Variants in CLYBL observed in about 807,000 individuals in gnomAD.
CLYBL encodes the protein citramalyl-CoA lyase, mitochondrial.
CLYBL carries 31 observed loss-of-function variants against 38.9 expected under a neutral mutation model. The observed-to-expected ratio is 0.80, with a 90% CI of 0.60 to 1.08. CLYBL has a LOEUF of 1.08. CLYBL is among the 50% of genes least tolerant of loss of function. The pLI, the probability that CLYBL is intolerant of heterozygous loss-of-function variation, is 0.00. For missense variants in CLYBL, 434 were observed against 411.6 expected, an observed-to-expected ratio of 1.05 and a Z score of -0.47; for synonymous variants, 171 against 158.6, an observed-to-expected ratio of 1.08 and a Z score of -0.59.
intron 2 of CLYBL, among the ~76,000 whole-genome samples, chr13:99,785,143 T>C (rs2049759120): frequency 1.4e-5 from 2 of 146,066 alleles, no homozygotes; most frequent in South Asian, 4.4e-4. Flanking sequence ...TCCACCCACG[T>C]TGGCCTCCCA....
rs549889301 is a variant in CLYBL, at chr13:99,699,431, C to T, written c.63-73393C>T. On this transcript the variant is annotated intron_variant, in intron 1 of 8. Transcript: ENST00000339105. ...AAACGTGGCTGGGCGTGGTGGCTCACGCCTGTAATCTCAGCACTTTGGGAG... is the reference window on the plus strand; with the variant it reads ...AAACGTGGCTGGGCGTGGTGGCTCATGCCTGTAATCTCAGCACTTTGGGAG... 1.3e-3 allele frequency among the ~76,000 whole-genome samples: 196 copies of T among 151,732 alleles called. No individual in the cohort carries two copies. The South Asian group carries it at 0.017, about 13-fold the overall frequency.
At chr13:99,675,412 T>C (rs546940802) in intron 1 of CLYBL, among the ~76,000 whole-genome samples, 2 of 152,332 alleles carry the variant, frequency 1.3e-5, no homozygotes, top group South Asian at 4.1e-4. Context: ...TCAATGAATT[T>C]AATGGTTTTT....
At chr13:99,719,483 CA>C (rs1380502703) in intron 1 of CLYBL, among the ~76,000 whole-genome samples, 2 of 151,702 alleles carry the variant, frequency 1.3e-5, no homozygotes, top group Admixed American at 6.6e-5. Context: ...CATCAAGAAA[CA>C]AAACAGGCAT....
At chr13:99,820,573 T>G (rs1259171385) in intron 2 of CLYBL, among the ~76,000 whole-genome samples, 1 of 151,724 alleles carries the variant, frequency 6.6e-6, no homozygotes, top group African/African-American at 2.4e-5. Context: ...CAGGGATCAT[T>G]GTCATGTTGC....
chr13:99,681,027 G>A (rs745466567), intron 1 of CLYBL, among the ~76,000 whole-genome samples: 5 of 152,250 alleles, frequency 3.3e-5, no homozygotes, highest in Admixed American at 6.5e-5. Context: ...TTGGACCAGC[G>A]CCATAACATT....
intron 2 of CLYBL, among the ~76,000 whole-genome samples, chr13:99,777,106 T>G (rs1240133010): frequency 6.6e-6 from 1 of 152,158 alleles, no homozygotes; most frequent in Non-Finnish European, 1.5e-5. Context: ...CTCCAACTCC[T>G]GACCTCAGGT....
At chr13:99,639,787 C>A (rs1261098072) in intron 1 of CLYBL, among the ~76,000 whole-genome samples, 4 of 152,174 alleles carry the variant, frequency 2.6e-5, no homozygotes, top group Non-Finnish European at 5.9e-5. Flanking sequence ...GTCCCAGCTA[C>A]TGAGGAGGCT....
chr13:99,686,858 CAG>C (rs1292086934), intron 1 of CLYBL, among the ~76,000 whole-genome samples: 1 of 152,152 alleles, frequency 6.6e-6, no homozygotes, highest in African/African-American at 2.4e-5. Flanking sequence ...ACTGTCTAAA[CAG>C]GGAATTTCAG....
At chr13:99,757,555 A>C (rs2049088018) in intron 1 of CLYBL, among the ~76,000 whole-genome samples, 1 of 152,172 alleles carries the variant, frequency 6.6e-6, no homozygotes, top group Non-Finnish European at 1.5e-5. Context: ...TCTTGGGTTC[A>C]AGTGATTCTC....
intron 2 of CLYBL, among the ~76,000 whole-genome samples, chr13:99,825,998 G>A (rs554278123): frequency 4.5e-4 from 68 of 152,302 alleles, no homozygotes; most frequent in African/African-American, 1.5e-3. Context: ...GGTAGGCAGT[G>A]GCTTATGGGA....
intron 1 of CLYBL, among the ~76,000 whole-genome samples, chr13:99,703,979 G>A (rs1566614746): frequency 6.6e-6 from 1 of 152,198 alleles, no homozygotes; most frequent in Non-Finnish European, 1.5e-5. Context: ...TATGCATGTG[G>A]AGATATTCCT....
chr13:99,843,604 C>CTTTTTTTTT (rs60365803), intron 2 of CLYBL, among the ~76,000 whole-genome samples: 2 of 142,814 alleles, frequency 1.4e-5, no homozygotes, highest in African/African-American at 5.2e-5. Flanking sequence ...AAAAATTAAT[C>CTTTTTTTTT]TTTTTTTTTT....
Position 99,865,684 on chromosome 13 carries a change from C to T in CLYBL, c.635-556C>T, listed in dbSNP as rs760381495. Among the ~76,000 whole-genome samples the T allele has an allele frequency of 6.6e-6, 1 of 152,202 alleles. No individual in the cohort carries two copies. Among genetic ancestry groups the T allele is most frequent in the Non-Finnish European group, 1.5e-5 (1 of 68,044 alleles). ...GAGACTTGTGTATCCAACGGTTCAG[C>T]GGGCTACAGAAGGCATATCGATGCT... On this transcript the variant is annotated intron_variant, in intron 5 of 8. Transcript: ENST00000339105. This position sits in a 1 kb window ranked among gnomAD's most constrained non-coding sequence, Gnocchi z 4.7.
At chr13:99,647,341 C>G (rs555580763) in intron 1 of CLYBL, among the ~76,000 whole-genome samples, 2 of 152,198 alleles carry the variant, frequency 1.3e-5, no homozygotes, top group African/African-American at 4.8e-5. Context: ...TCTGAAAAAC[C>G]TTCTTAGGGA....
At chr13:99,890,339 A>C (rs1046647971) in intron 7 of CLYBL, among the ~76,000 whole-genome samples, 1 of 152,256 alleles carries the variant, frequency 6.6e-6, no homozygotes, top group East Asian at 1.9e-4. Flanking sequence ...CACAGTCTAT[A>C]TAAGTATGGT....
intron 1 of CLYBL, among the ~76,000 whole-genome samples, chr13:99,761,409 A>G (rs577217748): frequency 8.5e-5 from 13 of 152,334 alleles, no homozygotes; most frequent in African/African-American, 2.9e-4. Context: ...GCTCCCACAT[A>G]TGAGTGACAA....
chr13:99,719,464 T>C (rs2048364015), intron 1 of CLYBL, among the ~76,000 whole-genome samples: 1 of 152,044 alleles, frequency 6.6e-6, no homozygotes, highest in African/African-American at 2.4e-5. Context: ...ACCTGTTCTA[T>C]GCCAGTCACA....
At chr13:99,864,540 G>T (rs963695338) in intron 4 of CLYBL, among the ~76,000 whole-genome samples, 1 of 152,136 alleles carries the variant, frequency 6.6e-6, no homozygotes, top group Non-Finnish European at 1.5e-5. Flanking sequence ...CAAGCAAAAT[G>T]AGTTAACTCA....
intron 1 of CLYBL, among the ~76,000 whole-genome samples, chr13:99,654,204 G>A (rs977643860): frequency 1.3e-5 from 2 of 152,184 alleles, no homozygotes; most frequent in African/African-American, 2.4e-5. Context: ...TCAGATGCAG[G>A]AGAGGCTGGG....
Sources: gnomAD v4.1 joint callset for allele counts (sites outside exome capture counted in the v4.1 genomes callset) on GRCh38, gnomAD v4.1.1 for gene constraint, Gnocchi (gnomAD v3.1) non-coding constraint, MANE v1.5 for transcripts, NCBI Gene and HGNC (gene_info 2026-07-23, HGNC 2026-07-21) for gene names.